Variants in GUCY1A2 observed in about 807,000 individuals in gnomAD.
GUCY1A2 encodes guanylate cyclase 1 soluble subunit alpha 2.
Under a neutral mutation model 63.5 loss-of-function variants are expected in GUCY1A2, and 27 were observed. That is an observed-to-expected ratio of 0.43 (90% CI 0.31 to 0.59). The LOEUF (loss-of-function observed/expected upper bound fraction) is 0.59, where lower values mean the gene tolerates loss of function less well. Ranked by LOEUF, GUCY1A2 falls within the 20% of genes least tolerant of loss-of-function variation. The pLI, the probability that GUCY1A2 is intolerant of heterozygous loss-of-function variation, is 0.11. For synonymous variants in GUCY1A2, 364 were observed against 343.5 expected (o/e 1.06, Z -0.66); for missense variants, 768 against 913.3 (o/e 0.84, Z 2.05).
intron 4 of GUCY1A2, among the ~76,000 whole-genome samples, chr11:106,852,503 T>C (rs1224256026): frequency 6.6e-6 from 1 of 152,094 alleles, no homozygotes; most frequent in African/African-American, 2.4e-5. Flanking sequence ...CCTAATTTGT[T>C]GAGTCTTTAA....
At chr11:106,907,292 C>G (rs925002577) in intron 4 of GUCY1A2, among the ~76,000 whole-genome samples, 4 of 152,000 alleles carry the variant, frequency 2.6e-5, no homozygotes, top group African/African-American at 4.8e-5. Flanking sequence ...TGCTTACTCC[C>G]AAATACATTC....
chr11:106,763,910 T>C (rs1227513241), intron 6 of GUCY1A2, among the ~76,000 whole-genome samples: 1 of 152,136 alleles, frequency 6.6e-6, no homozygotes, highest in African/African-American at 2.4e-5. Flanking sequence ...TGATACCATC[T>C]GGAAGATAAT....
At chr11:106,962,765 A>G (rs1321309402) in intron 3 of GUCY1A2, among the ~76,000 whole-genome samples, 5 of 148,634 alleles carry the variant, frequency 3.4e-5, no homozygotes, top group Non-Finnish European at 1.5e-5. Flanking sequence ...GTTTTAAGGA[A>G]TTATATATAT....
At chr11:106,729,772 C>T (rs1165696874) in intron 6 of GUCY1A2, among the ~76,000 whole-genome samples, 1 of 151,986 alleles carries the variant, frequency 6.6e-6, no homozygotes, top group African/African-American at 2.4e-5. Context: ...TTTCTCACAA[C>T]TGCTGTCTCA....
At chr11:106,980,883 A>G (rs2120125606) in intron 2 of GUCY1A2, among the ~76,000 whole-genome samples, 1 of 150,900 alleles carries the variant, frequency 6.6e-6, no homozygotes, top group South Asian at 2.1e-4. Context: ...GCAACCCCAC[A>G]GGGTTATTTT....
intron 1 of GUCY1A2, among the ~76,000 whole-genome samples, chr11:106,997,159 G>C (rs993269897): frequency 1.3e-5 from 2 of 151,976 alleles, no homozygotes; most frequent in Non-Finnish European, 1.5e-5. Context: ...AATTATTTAT[G>C]CCAAGATACA....
At chr11:107,000,927 T>C (rs185564458) in intron 1 of GUCY1A2, among the ~76,000 whole-genome samples, 52 of 152,338 alleles carry the variant, frequency 3.4e-4, no homozygotes, top group Admixed American at 2.8e-3. Context: ...AGAGTGACCA[T>C]GCACTGAGAG....
intron 4 of GUCY1A2, among the ~76,000 whole-genome samples, chr11:106,862,196 G>C (rs1248721213): frequency 6.6e-6 from 1 of 151,848 alleles, no homozygotes; most frequent in Admixed American, 6.6e-5. Context: ...TAGGCTTTGA[G>C]GTCACAGAAG....
At chr11:106,866,220 C>T (rs1197311326) in intron 4 of GUCY1A2, among the ~76,000 whole-genome samples, 1 of 151,198 alleles carries the variant, frequency 6.6e-6, no homozygotes, top group Non-Finnish European at 1.5e-5. Flanking sequence ...TGGATTATCT[C>T]TAATTTAATT....
intron 4 of GUCY1A2, among the ~76,000 whole-genome samples, chr11:106,860,177 TA>T (rs991370633): frequency 6.6e-6 from 1 of 151,970 alleles, no homozygotes; most frequent in South Asian, 2.1e-4. Context: ...CATATTGGGT[TA>T]AAAAGAGCTA....
intron 6 of GUCY1A2, among the ~76,000 whole-genome samples, chr11:106,773,689 A>C (rs1864298788): frequency 6.6e-6 from 1 of 152,198 alleles, no homozygotes; most frequent in African/African-American, 2.4e-5. Context: ...TCAGACTTTC[A>C]AAGTTGTGTC....
intron 6 of GUCY1A2, among the ~76,000 whole-genome samples, chr11:106,774,208 C>T (rs186088602): frequency 3.9e-5 from 6 of 152,074 alleles, no homozygotes; most frequent in African/African-American, 1.2e-4. Context: ...TCTCGGTTCA[C>T]GGCAACCTCT....
Position 107,017,983 on chromosome 11 carries a change from C to T in GUCY1A2, c.73G>A (p.Glu25Lys). ...CTAGACAGGGGGCACTCCCCCTCCT[C>T]CTCCGGGCTGGTCTCCAGGTAGTCG... The part of the protein sequence containing the change: ...GSDYLETSPE[E>K]EGECPLSRLC... The change falls in exon 1 of 8, where the codon GAG becomes AAG. Residue 25 changes from glutamate to lysine, a missense_variant. Physicochemically the swap from Glu to Lys is moderately conservative, Grantham distance 56. This residue lies in a region of GUCY1A2 where 496 missense variants were observed against 486.9 expected (regional missense o/e 1.02). Coordinates refer to ENST00000526355, the MANE Select transcript of GUCY1A2 (RefSeq NM_000855.3). The T allele has an allele frequency of 6.9e-7, 1 of 1,458,730 alleles. No homozygotes were observed. Among genetic ancestry groups the T allele is most frequent in the African/African-American group, 1.5e-5 (1 of 68,538 alleles). 90.4% of individuals were successfully genotyped at this position (1,458,730 alleles called of 1,614,324 possible).
chr11:106,980,018 G>A (rs1463310012), intron 2 of GUCY1A2, among the ~76,000 whole-genome samples: 1 of 152,168 alleles, frequency 6.6e-6, no homozygotes, highest in Admixed American at 6.5e-5. Context: ...AGAGATTGGG[G>A]ATTACCCATC....
At chr11:106,942,863 G>A (rs1860769501) in intron 3 of GUCY1A2, among the ~76,000 whole-genome samples, 1 of 152,082 alleles carries the variant, frequency 6.6e-6, no homozygotes, top group Non-Finnish European at 1.5e-5. Context: ...AAGGACCTCT[G>A]TACTTTAAGG....
intron 2 of GUCY1A2, among the ~76,000 whole-genome samples, chr11:106,979,812 C>G (rs922745218): frequency 3.3e-5 from 5 of 152,176 alleles, no homozygotes; most frequent in South Asian, 2.1e-4. Flanking sequence ...GACTAAACAG[C>G]CACTGCCCCT....
chr11:106,833,534 G>A (rs1232483584), intron 4 of GUCY1A2, among the ~76,000 whole-genome samples: 2 of 151,940 alleles, frequency 1.3e-5, no homozygotes, highest in South Asian at 2.1e-4. Flanking sequence ...ACTATCTACC[G>A]TACTATTTAT....
chr11:107,015,190 A>G (rs942312642), intron 1 of GUCY1A2, among the ~76,000 whole-genome samples: 4 of 152,190 alleles, frequency 2.6e-5, no homozygotes, highest in Non-Finnish European at 4.4e-5. Flanking sequence ...GAAAATGTTT[A>G]CAGTATATTC....
chr11:106,783,114 C>T (rs763092202), intron 5 of GUCY1A2, among the ~76,000 whole-genome samples: 1 of 152,166 alleles, frequency 6.6e-6, no homozygotes, highest in South Asian at 2.1e-4. Context: ...TACACTGACC[C>T]TCTTTGAAGA....
Sources: gnomAD v4.1 joint callset for allele counts (sites outside exome capture counted in the v4.1 genomes callset) on GRCh38, gnomAD v4.1.1 for gene constraint, gnomAD v4.1.1 regional missense constraint, MANE v1.5 for transcripts, NCBI Gene and HGNC (gene_info 2026-07-23, HGNC 2026-07-21) for gene names.